The following ZNF365 variants were observed in gnomAD, a reference collection of about 807,000 sequenced individuals.
ZNF365 encodes the protein protein ZNF365.
Under a neutral mutation model 35.0 loss-of-function variants are expected in ZNF365, and 22 were observed. The observed-to-expected ratio is 0.63, with a 90% CI of 0.45 to 0.90. The LOEUF (loss-of-function observed/expected upper bound fraction) is 0.90. ZNF365 is among the 40% of genes least tolerant of loss of function. ZNF365 has a pLI of 0.00. For synonymous variants in ZNF365, 188 were observed against 196.2 expected (o/e 0.96, Z 0.35); for missense variants, 448 against 500.3 (o/e 0.90, Z 1.00).
rs117701045 is a variant in ZNF365 at position 62,473,059 on chromosome 10, C to T, written c.982-6817C>T. Among the ~76,000 whole-genome samples the T allele has an allele frequency of 2.7e-3, 411 of 152,278 alleles. 1 individual carries two copies. The highest frequency in any genetic ancestry group is 0.017 in the Middle Eastern group (5 of 294). ...TTTTTATTTCGTTTCATCGGCCATA[C>T]GCCCCTTGGGGAAAGGGACCATTCA... is the stretch of plus-strand genomic sequence containing the variant. On this transcript the variant is annotated intron_variant, in intron 4 of 4. Coordinates refer to the ZNF365 transcript ENST00000395255.
At chr10:62,422,779 C>CT (rs1840192017) in intron 3 of ZNF365, among the ~76,000 whole-genome samples, 1 of 152,100 alleles carries the variant, frequency 6.6e-6, no homozygotes, top group Non-Finnish European at 1.5e-5. Flanking sequence ...CCAAACCTTA[C>CT]AATTGGGTGT....
chr10:62,407,676 T>G (rs1839925310), intron 3 of ZNF365, among the ~76,000 whole-genome samples: 1 of 152,212 alleles, frequency 6.6e-6, no homozygotes, highest in Admixed American at 6.5e-5. Flanking sequence ...TATTGAACTA[T>G]TACTGTGTAG....
At chr10:62,425,526 A>T (rs1840237963) in intron 3 of ZNF365, among the ~76,000 whole-genome samples, 1 of 152,182 alleles carries the variant, frequency 6.6e-6, no homozygotes, top group Non-Finnish European at 1.5e-5. Context: ...CAGATTCTCA[A>T]TAATTACTTG....
At chr10:62,454,384 C>T (rs571088630) in intron 3 of ZNF365, among the ~76,000 whole-genome samples, 6 of 152,298 alleles carry the variant, frequency 3.9e-5, no homozygotes, top group East Asian at 1.9e-4. Flanking sequence ...ACACCCATCC[C>T]AATATATTCT....
intron 2 of ZNF365, among the ~76,000 whole-genome samples, 198 bp downstream of exon 2, chr10:62,377,134 C>G (rs1291965754): frequency 1.3e-5 from 2 of 152,206 alleles, no homozygotes; most frequent in Non-Finnish European, 2.9e-5. Context: ...AACCTAGCAG[C>G]ATTAAAGTCA....
chr10:62,433,553 C>G (rs930216216), intron 3 of ZNF365, among the ~76,000 whole-genome samples: 3 of 152,158 alleles, frequency 2.0e-5, no homozygotes, highest in South Asian at 2.1e-4. Flanking sequence ...GCTCTGAACA[C>G]CTACCTCGCT....
At chr10:62,413,234 A>G (rs1482490926) in intron 3 of ZNF365, among the ~76,000 whole-genome samples, 3 of 152,146 alleles carry the variant, frequency 2.0e-5, no homozygotes, top group East Asian at 3.9e-4. Context: ...AGTGTGTTCC[A>G]TGTATCACTA....
intron 3 of ZNF365, among the ~76,000 whole-genome samples, chr10:62,452,819 A>G (rs966923568): frequency 6.6e-6 from 1 of 152,264 alleles, no homozygotes; most frequent in African/African-American, 2.4e-5. Context: ...GTAGACAAGT[A>G]GAAATGAAGA....
intron 3 of ZNF365, among the ~76,000 whole-genome samples, chr10:62,413,687 G>A (rs1350520639): frequency 6.6e-6 from 1 of 151,690 alleles, no homozygotes; most frequent in East Asian, 1.9e-4. Flanking sequence ...AGGAATACCA[G>A]GTCCCACCCT....
chr10:62,445,929 C>T (rs527364551), intron 3 of ZNF365, among the ~76,000 whole-genome samples: 6 of 152,256 alleles, frequency 3.9e-5, no homozygotes, highest in African/African-American at 1.4e-4. Context: ...TCTTAGGCAC[C>T]ATGAACCCAG....
intron 3 of ZNF365, among the ~76,000 whole-genome samples, chr10:62,421,395 A>T (rs1840165680): frequency 6.6e-6 from 1 of 152,194 alleles, no homozygotes; most frequent in Non-Finnish European, 1.5e-5. Context: ...TTTAGGGATT[A>T]CTTCTCATCA....
At position 62,376,700 on chromosome 10, in the gene ZNF365, T is replaced by C. The variant is rs1285044004; in HGVS notation, c.507T>C (p.Val169=). Residue 169 remains valine (V), a synonymous_variant, in exon 2 of 5, where the codon GTT becomes GTC. Coordinates refer to ENST00000395254, the MANE Select transcript of ZNF365 (RefSeq NM_014951.3). The stretch of plus-strand genomic sequence containing the variant: ...TCAGAGAAAAATTCAATCGAATGGT[T>C]GAGGCTGTGGATAGGACCATTGAGA... The part of the protein sequence containing the change: ...AHVREKFNRM[V]EAVDRTIEKR... 6.2e-7 allele frequency: 1 copy of C among 1,614,158 alleles called. No homozygotes were observed. The highest frequency in any genetic ancestry group is 8.5e-7 in the Non-Finnish European group (1 of 1,180,032).
Position 62,401,153 on chromosome 10 carries a change from A to T in ZNF365, c.*1364A>T. 1 of 955,766 alleles carries T rather than the reference A, an allele frequency of 1.0e-6. No individual in the cohort carries two copies. Among genetic ancestry groups the T allele is most frequent in the East Asian group, 1.2e-4 (1 of 8,676 alleles). The allele number at this position is 955,766 out of a possible 1,614,324, so 59.2% of individuals were successfully genotyped here. ...ATACATATATACATATATATAACAC[A>T]TACAAAATATATATGTTAAGTATAT... On this transcript the variant is annotated 3_prime_UTR_variant, in exon 5 of 5. Transcript: ENST00000395254.
chr10:62,393,843 G>T (rs186391645), intron 3 of ZNF365, among the ~76,000 whole-genome samples: 1 of 152,310 alleles, frequency 6.6e-6, no homozygotes, highest in East Asian at 1.9e-4. Context: ...GCATGATCAG[G>T]CTGTGGTGAG....
chr10:62,402,815 A>G (rs1453354318), downstream of ZNF365, among the ~76,000 whole-genome samples: 6 of 152,226 alleles, frequency 3.9e-5, no homozygotes, highest in East Asian at 9.6e-4. Context: ...TGTATATGCT[A>G]TACATCCAAG....
At chr10:62,395,927 C>T (rs1423742629) in intron 3 of ZNF365, among the ~76,000 whole-genome samples, 2 of 152,170 alleles carry the variant, frequency 1.3e-5, no homozygotes, top group Non-Finnish European at 1.5e-5. Context: ...TGATCAAAGG[C>T]TCTTTTGATC....
At chr10:62,423,832 T>G (rs1564584002) in intron 3 of ZNF365, among the ~76,000 whole-genome samples, 1 of 152,162 alleles carries the variant, frequency 6.6e-6, no homozygotes, top group Admixed American at 6.6e-5. Flanking sequence ...ATTATAATAA[T>G]AAGCATGATA....
At chr10:62,445,235 T>A (rs1840566888) in intron 3 of ZNF365, among the ~76,000 whole-genome samples, 2 of 151,398 alleles carry the variant, frequency 1.3e-5, no homozygotes, top group Admixed American at 6.6e-5. Flanking sequence ...ACAATAAACA[T>A]ACATGTGCAT....
At chr10:62,429,460 G>A (rs1840302436) in intron 3 of ZNF365, among the ~76,000 whole-genome samples, 2 of 152,164 alleles carry the variant, frequency 1.3e-5, no homozygotes, top group Admixed American at 6.5e-5. Flanking sequence ...TTAACTCTAA[G>A]CAGAACTAGA....
Sources: gnomAD v4.1 joint callset for allele counts (sites outside exome capture counted in the v4.1 genomes callset) on GRCh38, gnomAD v4.1.1 for gene constraint, MANE v1.5 for transcripts, NCBI Gene and HGNC (gene_info 2026-07-23, HGNC 2026-07-21) for gene names.